The following SBNO2 variants were observed in gnomAD, a reference collection of about 807,000 sequenced individuals.
The protein encoded by SBNO2 is strawberry notch homolog 2.
In SBNO2, 89 loss-of-function variants were observed where a neutral mutation model predicts 146.3. That is an observed-to-expected ratio of 0.61 (90% confidence interval 0.51 to 0.73). The LOEUF is 0.73. SBNO2 is among the 30% of genes least tolerant of loss of function. The pLI, the probability that SBNO2 is intolerant of heterozygous loss-of-function variation, is 0.00. For missense variants in SBNO2, 2,092 were observed against 2,003.7 expected (o/e 1.04, Z -0.84); for synonymous variants, 1,147 against 892.6 (o/e 1.29, Z -5.08).
chr19:1,163,143 G>A (rs1036161230), intron 1 of SBNO2, among the ~76,000 whole-genome samples: 4 of 152,238 alleles, frequency 2.6e-5, no homozygotes, highest in African/African-American at 7.2e-5. Flanking sequence ...ACCCGCACCT[G>A]TGGGTGGGGC....
rs1687597292 is a variant in SBNO2, at chr19:1,157,487, CCAGCGGG to C, written c.-126-3092_-126-3086del. Among the ~76,000 whole-genome samples, 1 of 152,100 alleles carries C rather than the reference CCAGCGGG, an allele frequency of 6.6e-6. No individual in the cohort carries two copies. Among genetic ancestry groups the C allele is most frequent in the South Asian group, 2.1e-4 (1 of 4,834 alleles). On this transcript the variant is annotated intron_variant, in intron 1 of 31. Transcript: ENST00000361757. The surrounding 1 kb of genome is among the most constrained non-coding windows in gnomAD (Gnocchi z 6.8). ...TCAGAGCCACGGGCCAGCCAAACGT[CCAGCGGG>C]CAGCAGAGCGTGTCCCCTGCCTGGT...
At chr19:1,113,508 A>G (rs1276254849) in intron 19 of SBNO2, 27 bp downstream of exon 19, 2 of 1,545,534 alleles carry the variant, frequency 1.3e-6, no homozygotes, top group Non-Finnish European at 1.8e-6. Context: ...CCCGCCCACC[A>G]CACTCCAGCT....
Position 1,111,177 on chromosome 19 carries a change from A to G in SBNO2, c.2810-84T>C, listed in dbSNP as rs1323228913. On this transcript the variant is annotated intron_variant, in intron 24 of 31. Coordinates refer to ENST00000361757, the MANE Select transcript of SBNO2 (RefSeq NM_014963.3). ...CCTAGCTCCTTTTCCAGAGACCAGCAGCTCCCTGGGGGGCTGGGGAGCAGC... is the reference window on the plus strand; with the variant it reads ...CCTAGCTCCTTTTCCAGAGACCAGCGGCTCCCTGGGGGGCTGGGGAGCAGC... 6 of 1,432,566 alleles carry G rather than the reference A, an allele frequency of 4.2e-6. No homozygotes were observed. In the African/African-American group the frequency reaches 8.5e-5, roughly 20 times the overall value. 88.7% of individuals were successfully genotyped at this position (1,432,566 alleles called of 1,614,324 possible). A position where few individuals can be genotyped will look rare whatever the true frequency, so the allele number is the denominator to read the frequency against.
In SBNO2 at chr19:1,109,225, G is replaced by T; in HGVS notation, c.3349-14C>A. 1 of 1,569,428 alleles carries T rather than the reference G, an allele frequency of 6.4e-7. No homozygotes were observed. The highest frequency in any genetic ancestry group is 2.4e-5 in the East Asian group (1 of 42,418). ...CTCCGCGGTGACCTAGGGACACAGG[G>T]CCGCATGAGCCTGGGCGGGGTCAGG... On this transcript the variant is annotated splice_polypyrimidine_tract_variant and intron_variant, in intron 29 of 31. Coordinates refer to ENST00000361757, the MANE Select transcript of SBNO2 (RefSeq NM_014963.3). The surrounding 1 kb of genome is among the most constrained non-coding windows in gnomAD (Gnocchi z 4.2).
chr19:1,114,952 T>C (rs2079813890), intron 17 of SBNO2, among the ~76,000 whole-genome samples: 1 of 151,324 alleles, frequency 6.6e-6, no homozygotes, highest in Non-Finnish European at 1.5e-5. Context: ...ATTTTTGAGA[T>C]GGAGTTTCAC....
intron 12 of SBNO2, 81 bp downstream of exon 12, chr19:1,119,825 G>T: frequency 1.8e-6 from 2 of 1,140,632 alleles, no homozygotes; most frequent in Non-Finnish European, 2.5e-6. Flanking sequence ...CTGAGTACGC[G>T]TGTGGGATAC....
intron 4 of SBNO2, among the ~76,000 whole-genome samples, chr19:1,146,752 G>A (rs2080193885): frequency 6.9e-6 from 1 of 144,334 alleles, no homozygotes; most frequent in Admixed American, 6.8e-5. Flanking sequence ...ATGCCGCAGT[G>A]GGAGGCTGTG....
In SBNO2 at chr19:1,112,368, G is replaced by A. The variant is rs761563901; in HGVS notation, c.2515+34C>T. ...GGGGCCGAGACCATGTTGGGGGCGGGGCCAGGCAGCGCTGGGGGCGGGGCC... is the reference window on the plus strand; with the variant it reads ...GGGGCCGAGACCATGTTGGGGGCGGAGCCAGGCAGCGCTGGGGGCGGGGCC... On this transcript the variant is annotated intron_variant, in intron 21 of 31. Coordinates refer to ENST00000361757, the MANE Select transcript of SBNO2 (RefSeq NM_014963.3). The surrounding 1 kb of genome is among the most constrained non-coding windows in gnomAD (Gnocchi z 5.9). 15 of 1,576,622 alleles carry A rather than the reference G, an allele frequency of 9.5e-6. No homozygotes were observed. In the East Asian group the frequency reaches 3.4e-4, roughly 36 times the overall value.
chr19:1,150,281 AGCAGCGGGCCCAAGGGCG>A lies in SBNO2; in HGVS notation c.94-857_94-840del, dbSNP rs1411234284. 3.3e-5 allele frequency among the ~76,000 whole-genome samples: 5 copies of A among 152,238 alleles called. No individual in the cohort carries two copies. The South Asian group carries it at 1.0e-3, about 32-fold the overall frequency. Reference sequence around the variant, plus strand: ...CCTGAGGATGGGGAGCACACGGGGCAGCAGCGGGCCCAAGGGCGGCAGCGGGCCCAGGGTCAGCACCTG... The same window carrying A: ...CCTGAGGATGGGGAGCACACGGGGCAGCAGCGGGCCCAGGGTCAGCACCTG... On this transcript the variant is annotated intron_variant, in intron 2 of 31. Coordinates refer to ENST00000361757, the MANE Select transcript of SBNO2 (RefSeq NM_014963.3). The surrounding 1 kb of genome is among the most constrained non-coding windows in gnomAD (Gnocchi z 6.2).
At chr19:1,120,330 C>T (rs8100067) in intron 11 of SBNO2, among the ~76,000 whole-genome samples, 74,466 of 152,072 alleles carry the variant, frequency 0.49, 18,528 homozygotes, top group Admixed American at 0.55. Flanking sequence ...TATCGCAGGA[C>T]GTTGCCATCG....
chr19:1,132,015 G>T, intron 4 of SBNO2: 1 of 1,186,812 alleles, frequency 8.4e-7, no homozygotes. Context: ...AGGGGGCCCG[G>T]CCGTCCTGAA....
intron 4 of SBNO2, among the ~76,000 whole-genome samples, chr19:1,138,568 GCTCACGGCGGCACAA>G (rs1246510500): frequency 6.6e-6 from 1 of 152,062 alleles, no homozygotes; most frequent in African/African-American, 2.4e-5. Flanking sequence ...TTGCACCCGT[GCTCACGGCGGCACAA>G]CTCACGACGG....
At chr19:1,164,161 C>A (rs1329273928) in intron 1 of SBNO2, among the ~76,000 whole-genome samples, 2 of 151,790 alleles carry the variant, frequency 1.3e-5, no homozygotes, top group African/African-American at 4.8e-5. Context: ...GAAGCCCCTG[C>A]CCATGGCTTC....
intron 14 of SBNO2, among the ~76,000 whole-genome samples, chr19:1,118,115 C>G (rs566487483): frequency 6.6e-6 from 1 of 152,104 alleles, no homozygotes; most frequent in Non-Finnish European, 1.5e-5. Context: ...GCGGTCAGAT[C>G]GCCTGAGCTC....
At position 1,140,965 on chromosome 19, in the gene SBNO2, C is replaced by G. The variant is rs1272936715; in HGVS notation, c.279+6344G>C. On this transcript the variant is annotated intron_variant, in intron 4 of 31. Transcript: ENST00000361757. This position sits in a 1 kb window ranked among gnomAD's most constrained non-coding sequence, Gnocchi z 4.4. ...CCTCCATCCAGTCAGGAGACAACCC[C>G]AGACAAAACCAACGGAGAGGCACTC... 6.6e-6 allele frequency among the ~76,000 whole-genome samples: 1 copy of G among 152,010 alleles called. No individual in the cohort carries two copies. Among genetic ancestry groups the G allele is most frequent in the Non-Finnish European group, 1.5e-5 (1 of 68,024 alleles).
At chr19:1,139,354 C>G (rs1017309943) in intron 4 of SBNO2, among the ~76,000 whole-genome samples, 1 of 152,100 alleles carries the variant, frequency 6.6e-6, no homozygotes, top group East Asian at 1.9e-4. Flanking sequence ...GGAGTGACAG[C>G]TGACGGGGAC....
intron 14 of SBNO2, among the ~76,000 whole-genome samples, chr19:1,118,306 C>G (rs910928595): frequency 1.3e-5 from 2 of 151,782 alleles, no homozygotes; most frequent in Non-Finnish European, 2.9e-5. Flanking sequence ...CCATTGCACT[C>G]CAGCCTGGGC....
chr19:1,133,812 A>G (rs1284490405), intron 4 of SBNO2, among the ~76,000 whole-genome samples: 1 of 152,212 alleles, frequency 6.6e-6, no homozygotes, highest in Non-Finnish European at 1.5e-5. Context: ...CCACTCCCAG[A>G]GACAGCTCCA....
chr19:1,120,087 T>C, intron 11 of SBNO2, 64 bp from the exon 12 acceptor site: 1 of 1,363,504 alleles, frequency 7.3e-7, no homozygotes, highest in South Asian at 1.2e-5. Flanking sequence ...GCCCAGGTCC[T>C]GACCACCCAA....
Sources: allele counts gnomAD v4.1 joint callset (sites outside exome capture counted in the v4.1 genomes callset), GRCh38; gene constraint gnomAD v4.1.1; non-coding constraint Gnocchi (gnomAD v3.1); transcripts MANE v1.5; gene names NCBI Gene and HGNC (gene_info 2026-07-23, HGNC 2026-07-21).